The following IKZF2 variants were observed in gnomAD, a reference collection of about 807,000 sequenced individuals.
IKZF2 encodes IKAROS family zinc finger 2.
In IKZF2, 15 loss-of-function variants were observed where a neutral mutation model predicts 49.2. That is an observed-to-expected ratio of 0.30 (90% CI 0.20 to 0.47). The LOEUF is 0.47. Among genes scored for constraint, IKZF2 ranks in the 20% least tolerant of loss-of-function variants. The probability of loss-of-function intolerance (pLI) is 1.00; values close to 1 mark genes in which losing one functional copy is unlikely to be tolerated. For missense variants in IKZF2, 567 were observed against 664.6 expected (o/e 0.85, Z 1.61); for synonymous variants, 227 against 221.4 (o/e 1.03, Z -0.23).
chr2:213,140,915 G>A (rs562161848), intron 4 of IKZF2, among the ~76,000 whole-genome samples: 1 of 152,040 alleles, frequency 6.6e-6, no homozygotes, highest in African/African-American at 2.4e-5. Flanking sequence ...CAAACCATGG[G>A]CTAATATTAG....
At chr2:213,026,620 A>T (rs1486887381) in intron 6 of IKZF2, among the ~76,000 whole-genome samples, 1 of 152,012 alleles carries the variant, frequency 6.6e-6, no homozygotes, top group Non-Finnish European at 1.5e-5. Context: ...TTCATATAAA[A>T]TTTTTTTAAT....
chr2:213,092,396 A>C lies in IKZF2; in HGVS notation c.140-35297T>G, dbSNP rs1705451008. 3.3e-5 allele frequency among the ~76,000 whole-genome samples: 5 copies of C among 152,276 alleles called. No individual in the cohort carries two copies. The South Asian group carries it at 1.0e-3, about 32-fold the overall frequency. On this transcript the variant is annotated intron_variant, in intron 4 of 8. Coordinates refer to ENST00000434687, the MANE Select transcript of IKZF2 (RefSeq NM_001387220.1). ...ACCATTTCAATGTACAGTTATGGTC[A>C]TATTTAAATTTTTACTTCAAATATA...
At chr2:213,018,182 C>T (rs28664265) in intron 7 of IKZF2, among the ~76,000 whole-genome samples, 8,460 of 152,016 alleles carry the variant, frequency 0.056, 707 homozygotes, top group African/African-American at 0.18. Context: ...GCTAAGCAGA[C>T]TTGAAAAAGC....
intron 4 of IKZF2, among the ~76,000 whole-genome samples, chr2:213,071,823 G>C (rs1215466715): frequency 6.6e-6 from 1 of 151,868 alleles, no homozygotes; most frequent in Non-Finnish European, 1.5e-5. Flanking sequence ...CTGTTTCCAC[G>C]ACAAATATAA....
At chr2:213,070,267 AAG>A (rs1294077190) in intron 4 of IKZF2, among the ~76,000 whole-genome samples, 11 of 152,162 alleles carry the variant, frequency 7.2e-5, no homozygotes, top group Admixed American at 1.3e-4. Flanking sequence ...AGTTATGGGA[AAG>A]AGATGCCCAT....
chr2:213,134,727 C>G (rs561172051), intron 4 of IKZF2, among the ~76,000 whole-genome samples: 240 of 152,324 alleles, frequency 1.6e-3, no homozygotes, highest in Middle Eastern at 6.8e-3. Flanking sequence ...TACCAGAAAC[C>G]ATTCTAATCT....
At chr2:213,013,266 AC>A (rs1035160543) in intron 8 of IKZF2, among the ~76,000 whole-genome samples, 2 of 152,028 alleles carry the variant, frequency 1.3e-5, no homozygotes, top group African/African-American at 4.8e-5. Flanking sequence ...AAAATAATTA[AC>A]CCATTTATGC....
chr2:213,037,530 C>A (rs1699151590), intron 6 of IKZF2, among the ~76,000 whole-genome samples: 1 of 152,146 alleles, frequency 6.6e-6, no homozygotes, highest in Admixed American at 6.5e-5. Context: ...TGTCTTACAG[C>A]CGGCCTGACT....
chr2:213,094,625 C>T (rs1166421173), intron 4 of IKZF2, among the ~76,000 whole-genome samples: 9 of 152,132 alleles, frequency 5.9e-5, no homozygotes, highest in African/African-American at 1.9e-4. Context: ...ACCCACAAAG[C>T]TCTTGGGATG....
intron 4 of IKZF2, among the ~76,000 whole-genome samples, chr2:213,115,672 T>C (rs754909463): frequency 2.6e-5 from 4 of 152,218 alleles, no homozygotes; most frequent in Non-Finnish European, 5.9e-5. Flanking sequence ...AATGCATGAC[T>C]CAAACCATGT....
chr2:213,070,728 A>C (rs1198867996), intron 4 of IKZF2, among the ~76,000 whole-genome samples: 1 of 152,140 alleles, frequency 6.6e-6, no homozygotes, highest in Non-Finnish European at 1.5e-5. Flanking sequence ...ACATGGGAGC[A>C]CGGTCTCAGT....
rs752343024 is a variant in IKZF2, at chr2:213,001,758, A to C, written c.*5602T>G. 6.6e-6 allele frequency: 1 copy of C among 151,870 alleles called. No homozygotes were observed. The highest frequency in any genetic ancestry group is 1.5e-5 in the Non-Finnish European group (1 of 67,512). The allele number at this position is 151,870 out of a possible 1,614,324, so 9.4% of individuals were successfully genotyped here. A position where few individuals can be genotyped will look rare whatever the true frequency, so the allele number is the denominator to read the frequency against. On this transcript the variant is annotated 3_prime_UTR_variant, in exon 9 of 9. Transcript: ENST00000434687. ...CAAAGAAAGAGGCTGAGGGAGATGT[A>C]ACAAAATTTAAGAGATAACAGAGAG...
At chr2:213,098,345 C>T (rs1309794024) in intron 4 of IKZF2, among the ~76,000 whole-genome samples, 1 of 151,958 alleles carries the variant, frequency 6.6e-6, no homozygotes, top group Non-Finnish European at 1.5e-5. Flanking sequence ...AAATCTCCTC[C>T]TGGAATCAAA....
chr2:213,041,136 C>T (rs1021533817), intron 6 of IKZF2, among the ~76,000 whole-genome samples: 1 of 151,632 alleles, frequency 6.6e-6, no homozygotes, highest in African/African-American at 2.4e-5. Context: ...AAAAAAGTCA[C>T]TTAAATACTA....
intron 4 of IKZF2, among the ~76,000 whole-genome samples, chr2:213,086,601 G>A (rs1704632060): frequency 6.6e-6 from 1 of 152,230 alleles, no homozygotes; most frequent in East Asian, 1.9e-4. Context: ...CCCTAAAGAT[G>A]TCCAGAGATT....
intron 4 of IKZF2, among the ~76,000 whole-genome samples, chr2:213,096,363 T>A (rs189406751): frequency 6.6e-6 from 1 of 152,044 alleles, no homozygotes; most frequent in Admixed American, 6.6e-5. Flanking sequence ...AAACAGGTAT[T>A]TACAGAGATA....
chr2:213,085,991 T>C (rs1366925827), intron 4 of IKZF2, among the ~76,000 whole-genome samples: 2 of 152,140 alleles, frequency 1.3e-5, no homozygotes, highest in Non-Finnish European at 2.9e-5. Flanking sequence ...GGTTCTGCAG[T>C]GGTGAGACGT....
chr2:213,106,883 A>C (rs2059551081), intron 4 of IKZF2, among the ~76,000 whole-genome samples: 1 of 152,194 alleles, frequency 6.6e-6, no homozygotes, highest in Non-Finnish European at 1.5e-5. Flanking sequence ...ACCAAAAAGT[A>C]TCTCTCCAAT....
chr2:213,044,490 G>A (rs2125293972), intron 6 of IKZF2, among the ~76,000 whole-genome samples: 1 of 152,304 alleles, frequency 6.6e-6, no homozygotes, highest in Non-Finnish European at 1.5e-5. Context: ...CAGAGTTAAT[G>A]GGACAGTAGT....
Sources: allele counts gnomAD v4.1 joint callset (sites outside exome capture counted in the v4.1 genomes callset), GRCh38; gene constraint gnomAD v4.1.1; transcripts MANE v1.5; gene names NCBI Gene and HGNC (gene_info 2026-07-23, HGNC 2026-07-21).